NELL2: variants seen among roughly 807,000 people sequenced by gnomAD.
The protein encoded by NELL2 is protein kinase C-binding protein NELL2.
In NELL2, 41 loss-of-function variants were observed where a neutral mutation model predicts 109.6. The observed-to-expected ratio is 0.37, with a 90% CI of 0.29 to 0.49. NELL2 has a LOEUF of 0.49. Among genes scored for constraint, NELL2 ranks in the 20% least tolerant of loss-of-function variants. The probability of loss-of-function intolerance (pLI) is 0.98; values close to 1 mark genes in which losing one functional copy is unlikely to be tolerated. For synonymous variants in NELL2, 355 were observed against 344.7 expected (o/e 1.03, Z -0.33); for missense variants, 900 against 1,008.3 (o/e 0.89, Z 1.45).
rs868730626 is a variant in NELL2 at position 44,802,474 on chromosome 12, C to T, written c.335+13512G>A. On this transcript the variant is annotated intron_variant, in intron 3 of 19. Coordinates refer to ENST00000429094, the MANE Select transcript of NELL2 (RefSeq NM_001145108.2). ...TATACGCTGATCGTGTTTTCATAAA[C>T]GTATGTGATATATCAGTTCAATACG... is the stretch of plus-strand genomic sequence containing the variant. Among the ~76,000 whole-genome samples the T allele has an allele frequency of 5.9e-5, 9 of 151,854 alleles. No homozygotes were observed. The South Asian group carries it at 1.0e-3, about 18-fold the overall frequency.
intron 15 of NELL2, among the ~76,000 whole-genome samples, chr12:44,556,055 T>TGA (rs1943240925): frequency 6.6e-6 from 1 of 152,202 alleles, no homozygotes; most frequent in African/African-American, 2.4e-5. Flanking sequence ...AGTAAGCTCT[T>TGA]GAGCTTCTTT....
chr12:44,562,422 C>G (rs1701937818), intron 15 of NELL2, among the ~76,000 whole-genome samples: 1 of 152,114 alleles, frequency 6.6e-6, no homozygotes, highest in Admixed American at 6.5e-5. Flanking sequence ...ATCCATCTGA[C>G]AAAGGGCTAA....
At chr12:44,584,452 C>G (rs1231753305) in intron 15 of NELL2, among the ~76,000 whole-genome samples, 1 of 152,218 alleles carries the variant, frequency 6.6e-6, no homozygotes, top group Non-Finnish European at 1.5e-5. Context: ...ACAAATCTAT[C>G]ATGGTTTACA....
intron 13 of NELL2, among the ~76,000 whole-genome samples, chr12:44,631,285 A>G (rs1311581964): frequency 6.7e-6 from 1 of 150,014 alleles, no homozygotes; most frequent in Non-Finnish European, 1.5e-5. Flanking sequence ...TAAAATTAAT[A>G]AAGTAGCAAA....
At chr12:44,847,111 G>C (rs1201355224) in intron 2 of NELL2, among the ~76,000 whole-genome samples, 2 of 152,160 alleles carry the variant, frequency 1.3e-5, no homozygotes, top group African/African-American at 4.8e-5. Context: ...GTAGCTCCAA[G>C]GCTGACAGGC....
chr12:44,867,480 C>T (rs1200538318), intron 2 of NELL2, among the ~76,000 whole-genome samples: 1 of 152,112 alleles, frequency 6.6e-6, no homozygotes, highest in African/African-American at 2.4e-5. Context: ...TGTATCTCAA[C>T]ACAATAAAGT....
intron 12 of NELL2, 33 bp downstream of exon 12, chr12:44,703,693 T>C (rs1937685157): frequency 6.2e-7 from 1 of 1,609,998 alleles, no homozygotes; most frequent in Non-Finnish European, 8.5e-7. Context: ...AGAAAATTTA[T>C]ACAGCTGAGC....
intron 11 of NELL2, among the ~76,000 whole-genome samples, chr12:44,708,234 A>G (rs1048635997): frequency 7.2e-5 from 11 of 152,314 alleles, no homozygotes; most frequent in African/African-American, 4.8e-5. Flanking sequence ...TTTCTGCTAC[A>G]TTTCTTCTGA....
intron 9 of NELL2, among the ~76,000 whole-genome samples, chr12:44,748,517 T>C (rs1051880657): frequency 6.6e-6 from 1 of 152,188 alleles, no homozygotes; most frequent in African/African-American, 2.4e-5. Context: ...TTATTATTCA[T>C]GCAAATGAAT....
chr12:44,808,428 T>G (rs1480644830), intron 3 of NELL2, among the ~76,000 whole-genome samples: 1 of 152,034 alleles, frequency 6.6e-6, no homozygotes, highest in African/African-American at 2.4e-5. Flanking sequence ...GTAACTTTCC[T>G]AATAATAAGG....
At chr12:44,801,433 G>GA (rs1003672148) in intron 3 of NELL2, among the ~76,000 whole-genome samples, 7 of 152,198 alleles carry the variant, frequency 4.6e-5, no homozygotes, top group African/African-American at 1.7e-4. Flanking sequence ...CTGGTCATTA[G>GA]AGTTTTTGAG....
intron 2 of NELL2, among the ~76,000 whole-genome samples, chr12:44,824,770 G>A (rs963147271): frequency 6.7e-6 from 1 of 149,508 alleles, no homozygotes; most frequent in Non-Finnish European, 1.5e-5. Context: ...GAGTGCAACG[G>A]CATGATCTCG....
intron 1 of NELL2, among the ~76,000 whole-genome samples, chr12:44,909,016 G>T (rs1258922433): frequency 6.6e-6 from 1 of 151,776 alleles, no homozygotes; most frequent in Non-Finnish European, 1.5e-5. Flanking sequence ...TCAATACAAT[G>T]CTCTATTAAG....
rs567344596 is a variant in NELL2 at position 44,800,193 on chromosome 12, C to G, written c.335+15793G>C. On this transcript the variant is annotated intron_variant, in intron 3 of 19. Coordinates refer to ENST00000429094, the MANE Select transcript of NELL2 (RefSeq NM_001145108.2). ...TATGGTAAATAAGCACATTTTAGTT[C>G]TGAATTTGGATACTCAAGTCAATCT... Among the ~76,000 whole-genome samples, 25 of 152,044 alleles carry G rather than the reference C, an allele frequency of 1.6e-4. No individual in the cohort carries two copies. In the South Asian group the frequency reaches 3.5e-3, roughly 21 times the overall value.
intron 9 of NELL2, among the ~76,000 whole-genome samples, chr12:44,740,293 A>C (rs73285448): frequency 0.075 from 11,414 of 152,002 alleles, 1,387 homozygotes; most frequent in African/African-American, 0.26. Context: ...TTCCTTTATT[A>C]CTCTGGGTGT....
chr12:44,741,640 C>T (rs1939971757), intron 9 of NELL2, among the ~76,000 whole-genome samples: 1 of 152,204 alleles, frequency 6.6e-6, no homozygotes, highest in African/African-American at 2.4e-5. Flanking sequence ...TAAAAAATGG[C>T]ACACCAGGAG....
intron 13 of NELL2, among the ~76,000 whole-genome samples, chr12:44,651,520 GTTA>G (rs1186495240): frequency 6.6e-6 from 1 of 152,040 alleles, no homozygotes; most frequent in Non-Finnish European, 1.5e-5. Context: ...ACTATTTAAG[GTTA>G]TTATAATTTA....
At chr12:44,538,319 T>C (rs1039126884) in intron 15 of NELL2, among the ~76,000 whole-genome samples, 1 of 152,220 alleles carries the variant, frequency 6.6e-6, no homozygotes, top group Non-Finnish European at 1.5e-5. Context: ...ACTTTCCCTC[T>C]TCATAGTTTG....
intron 1 of NELL2, among the ~76,000 whole-genome samples, chr12:44,888,415 A>G (rs955500792): frequency 2.1e-5 from 3 of 143,812 alleles, no homozygotes; most frequent in Admixed American, 7.0e-5. Flanking sequence ...AAACTATTTG[A>G]CAAACCTTCA....
Sources: allele counts gnomAD v4.1 joint callset (sites outside exome capture counted in the v4.1 genomes callset), GRCh38; gene constraint gnomAD v4.1.1; transcripts MANE v1.5; gene names NCBI Gene and HGNC (gene_info 2026-07-23, HGNC 2026-07-21).